Variants in ITFG1 observed in about 807,000 individuals in gnomAD.
ITFG1 encodes integrin alpha FG-GAP repeat containing 1.
In ITFG1, 34 loss-of-function variants were observed where a neutral mutation model predicts 81.8. The observed-to-expected ratio is 0.42, with a 90% CI of 0.32 to 0.55. The LOEUF (loss-of-function observed/expected upper bound fraction) is 0.55, where lower values mean the gene tolerates loss of function less well. Among genes scored for constraint, ITFG1 ranks in the 20% least tolerant of loss-of-function variants. ITFG1 has a pLI of 0.17. For missense variants in ITFG1, 672 were observed against 755.4 expected, an observed-to-expected ratio of 0.89 and a Z score of 1.29; for synonymous variants, 285 against 270.6, an observed-to-expected ratio of 1.05 and a Z score of -0.52.
chr16:47,191,814 CTTTA>C (rs1162702897), intron 14 of ITFG1, among the ~76,000 whole-genome samples: 2 of 152,100 alleles, frequency 1.3e-5, no homozygotes, highest in African/African-American at 2.4e-5. Context: ...CGCGCCTGCC[CTTTA>C]TTTATTTATT....
At chr16:47,389,649 T>C (rs1208047077) in intron 6 of ITFG1, among the ~76,000 whole-genome samples, 2 of 152,174 alleles carry the variant, frequency 1.3e-5, no homozygotes, top group African/African-American at 4.8e-5. Flanking sequence ...GTAATATGTA[T>C]TACAATAAGG....
intron 8 of ITFG1, among the ~76,000 whole-genome samples, chr16:47,339,618 G>C (rs1484912591): frequency 1.3e-5 from 2 of 152,072 alleles, no homozygotes; most frequent in East Asian, 3.9e-4. Context: ...CAGCAGATTT[G>C]AACAGGCACA....
chr16:47,168,261 T>C (rs900104864), intron 14 of ITFG1, among the ~76,000 whole-genome samples: 1 of 152,236 alleles, frequency 6.6e-6, no homozygotes, highest in Admixed American at 6.5e-5. Flanking sequence ...AATTTTATAA[T>C]TGGGCTTTTT....
chr16:47,403,412 T>C (rs552300931), intron 6 of ITFG1, among the ~76,000 whole-genome samples: 2 of 151,312 alleles, frequency 1.3e-5, no homozygotes, highest in Non-Finnish European at 2.9e-5. Flanking sequence ...CATTTTTTTT[T>C]AAAAAAAAGG....
At chr16:47,380,502 T>G (rs1272801628) in intron 6 of ITFG1, among the ~76,000 whole-genome samples, 1 of 152,202 alleles carries the variant, frequency 6.6e-6, no homozygotes, top group Non-Finnish European at 1.5e-5. Flanking sequence ...AGAAAGGGAC[T>G]GCACTCTGAA....
chr16:47,175,110 A>C (rs1453457846), intron 14 of ITFG1, among the ~76,000 whole-genome samples: 2 of 152,172 alleles, frequency 1.3e-5, no homozygotes, highest in Non-Finnish European at 2.9e-5. Flanking sequence ...GAGACAAAGA[A>C]CACCAAAAGA....
At chr16:47,397,824 AAAGGAAGAGAGGATCAC>A (rs1429631342) in intron 6 of ITFG1, among the ~76,000 whole-genome samples, 2 of 152,188 alleles carry the variant, frequency 1.3e-5, no homozygotes, top group African/African-American at 4.8e-5. Flanking sequence ...AGAAAGCTAG[AAAGGAAGAGAGGATCAC>A]ACTGCAGGCA....
In ITFG1 at chr16:47,456,434, A is replaced by T. The variant is rs538867604; in HGVS notation, c.282-2276T>A. Among the ~76,000 whole-genome samples, 4 of 152,278 alleles carry T rather than the reference A, an allele frequency of 2.6e-5. No homozygotes were observed. The East Asian group carries it at 7.7e-4, about 29-fold the overall frequency. Reference sequence around the variant, plus strand: ...GCCGGGCGCGGTGGCTCATGCCTACAATCCTAGCACTTTGGGAGGCCAAGG... The same window carrying T: ...GCCGGGCGCGGTGGCTCATGCCTACTATCCTAGCACTTTGGGAGGCCAAGG... On this transcript the variant is annotated intron_variant, in intron 2 of 17. Transcript: ENST00000320640.
intron 14 of ITFG1, among the ~76,000 whole-genome samples, chr16:47,174,363 A>T (rs1964996947): frequency 6.6e-6 from 1 of 152,292 alleles, no homozygotes; most frequent in East Asian, 1.9e-4. Context: ...TAAATAATAC[A>T]TACACGCTGA....
chr16:47,450,661 T>C (rs1969377175), intron 5 of ITFG1, among the ~76,000 whole-genome samples: 1 of 152,222 alleles, frequency 6.6e-6, no homozygotes, highest in Admixed American at 6.5e-5. Flanking sequence ...TCCTTTGTAC[T>C]TTCAGAAAGA....
chr16:47,350,004 C>T (rs1967926233), intron 8 of ITFG1, among the ~76,000 whole-genome samples: 1 of 152,192 alleles, frequency 6.6e-6, no homozygotes, highest in South Asian at 2.1e-4. Flanking sequence ...TAAAGATGTT[C>T]TTTGAAACCA....
intron 5 of ITFG1, among the ~76,000 whole-genome samples, chr16:47,446,176 C>T (rs918152591): frequency 6.6e-6 from 1 of 152,194 alleles, no homozygotes; most frequent in African/African-American, 2.4e-5. Flanking sequence ...CCCTATCCAA[C>T]TCTGAGCCTC....
At chr16:47,399,345 G>A (rs775096100) in intron 6 of ITFG1, among the ~76,000 whole-genome samples, 19 of 152,124 alleles carry the variant, frequency 1.2e-4, no homozygotes, top group East Asian at 3.9e-4. Flanking sequence ...AGGCCAAGGC[G>A]GGCAGATCAT....
At chr16:47,158,071 T>C (rs547363617) in intron 17 of ITFG1, among the ~76,000 whole-genome samples, 6 of 152,302 alleles carry the variant, frequency 3.9e-5, no homozygotes, top group Non-Finnish European at 8.8e-5. Context: ...CAAAGAATAC[T>C]TGATAGATGA....
chr16:47,365,684 C>A, intron 8 of ITFG1, 104 bp downstream of exon 8: 8 of 679,200 alleles, frequency 1.2e-5, no homozygotes, highest in Non-Finnish European at 2.1e-5. Flanking sequence ...CTCTGAAGAC[C>A]CTGGAGTTAT....
Position 47,258,716 on chromosome 16 carries a change from T to G in ITFG1, c.1246A>C (p.Ser416Arg). Residue 416 changes from serine to arginine, a missense_variant, in exon 12 of 18, where the codon AGT (serine) becomes CGT (arginine). Transcript: ENST00000320640. ...EDGILDIVVL[S>R]KGYTKNDFAI... ...AAATCATTCTTTGTATATCCTTTACTTAGCACTACAATGTCCAAGATTCCC... is the reference window on the plus strand; with the variant it reads ...AAATCATTCTTTGTATATCCTTTACGTAGCACTACAATGTCCAAGATTCCC... 1 of 1,544,034 alleles carries G rather than the reference T, an allele frequency of 6.5e-7. No individual in the cohort carries two copies. Among genetic ancestry groups the G allele is most frequent in the South Asian group, 1.2e-5 (1 of 84,252 alleles).
intron 10 of ITFG1, among the ~76,000 whole-genome samples, chr16:47,279,014 T>C (rs988539023): frequency 2.6e-5 from 4 of 152,178 alleles, no homozygotes; most frequent in African/African-American, 9.7e-5. Flanking sequence ...GTTTAGAGTT[T>C]TTTTATATAT....
chr16:47,412,033 C>T (rs1192533140), intron 6 of ITFG1, among the ~76,000 whole-genome samples: 1 of 152,120 alleles, frequency 6.6e-6, no homozygotes, highest in Non-Finnish European at 1.5e-5. Context: ...TCAGAAATAA[C>T]CCAGAAACAA....
chr16:47,416,885 A>C (rs1265120720), intron 6 of ITFG1, among the ~76,000 whole-genome samples: 1 of 152,222 alleles, frequency 6.6e-6, no homozygotes, highest in Non-Finnish European at 1.5e-5. Flanking sequence ...GACAATGAGA[A>C]GTGTATACCA....
Sources: allele counts gnomAD v4.1 joint callset (sites outside exome capture counted in the v4.1 genomes callset), GRCh38; gene constraint gnomAD v4.1.1; transcripts MANE v1.5; gene names NCBI Gene and HGNC (gene_info 2026-07-23, HGNC 2026-07-21).